The following SYT9 variants were observed in gnomAD, a reference collection of about 807,000 sequenced individuals.
SYT9 encodes synaptotagmin-9.
In SYT9, 22 loss-of-function variants were observed where a neutral mutation model predicts 48.4. The observed-to-expected ratio is 0.45, with a 90% CI of 0.32 to 0.65. The LOEUF is 0.65. SYT9 is among the 30% of genes least tolerant of loss of function. The pLI is 0.03. For missense variants in SYT9, 577 were observed against 622.0 expected, an observed-to-expected ratio of 0.93 and a Z score of 0.77; for synonymous variants, 265 against 245.0, an observed-to-expected ratio of 1.08 and a Z score of -0.76.
intron 6 of SYT9, among the ~76,000 whole-genome samples, chr11:7,424,279 TC>T (rs1847412392): frequency 6.6e-6 from 1 of 152,110 alleles, no homozygotes; most frequent in Admixed American, 6.6e-5. Context: ...CTCCCTTTAC[TC>T]CCCATGATGC....
Position 7,433,510 on chromosome 11 carries a change from G to A in SYT9, c.1467+12875G>A, listed in dbSNP as rs1372331529. On this transcript the variant is annotated intron_variant, in intron 6 of 6. Coordinates refer to ENST00000318881, the MANE Select transcript of SYT9 (RefSeq NM_175733.4). ...CACATCTGCGTGTGCTTTTTGCTGG[G>A]GCTTTATCTGCATTCTCTCTCTGCT... 3.3e-5 allele frequency among the ~76,000 whole-genome samples: 5 copies of A among 152,280 alleles called. No individual in the cohort carries two copies. In the East Asian group the frequency reaches 9.6e-4, roughly 29 times the overall value.
intron 3 of SYT9, among the ~76,000 whole-genome samples, chr11:7,369,510 T>G (rs937189062): frequency 6.6e-6 from 1 of 152,184 alleles, no homozygotes; most frequent in Non-Finnish European, 1.5e-5. Context: ...GTTTTGGCTT[T>G]TGTTACAATT....
intron 6 of SYT9, among the ~76,000 whole-genome samples, chr11:7,456,454 C>G (rs1848151542): frequency 6.6e-6 from 1 of 152,222 alleles, no homozygotes; most frequent in Admixed American, 6.5e-5. Context: ...ACACCTCCCT[C>G]CAGTGTCTTC....
intron 3 of SYT9, among the ~76,000 whole-genome samples, chr11:7,318,607 C>T (rs1275429741): frequency 6.6e-6 from 1 of 152,218 alleles, no homozygotes; most frequent in Non-Finnish European, 1.5e-5. Context: ...AGCCACCGCG[C>T]CCAGCCTTAG....
intron 3 of SYT9, among the ~76,000 whole-genome samples, chr11:7,375,743 G>A (rs753779555): frequency 1.3e-5 from 2 of 152,140 alleles, no homozygotes; most frequent in African/African-American, 2.4e-5. Flanking sequence ...ATGAATGCTT[G>A]TGATTTTTGC....
At chr11:7,397,462 C>T (rs1321464300) in intron 3 of SYT9, among the ~76,000 whole-genome samples, 1 of 152,094 alleles carries the variant, frequency 6.6e-6, no homozygotes, top group African/African-American at 2.4e-5. Flanking sequence ...AGTGTTAAGT[C>T]TTCCCATTTT....
intron 1 of SYT9, among the ~76,000 whole-genome samples, chr11:7,288,813 C>A (rs1363142313): frequency 6.6e-6 from 1 of 152,212 alleles, no homozygotes. Flanking sequence ...TCAATTTCTT[C>A]CACTCTTTCA....
intron 6 of SYT9, chr11:7,434,963 T>C (rs2062215222): frequency 6.6e-6 from 1 of 152,132 alleles, no homozygotes; most frequent in African/African-American, 2.4e-5. Context: ...AACCAATATA[T>C]CACATGAATG....
At chr11:7,293,905 G>A (rs1433073613) in intron 1 of SYT9, among the ~76,000 whole-genome samples, 2 of 152,138 alleles carry the variant, frequency 1.3e-5, no homozygotes, top group African/African-American at 2.4e-5. Context: ...TTTTATATTT[G>A]TATAAGAGAA....
At chr11:7,249,670 A>G (rs988715520), upstream of SYT9, among the ~76,000 whole-genome samples, 1 of 152,226 alleles carries the variant, frequency 6.6e-6, no homozygotes, top group African/African-American at 2.4e-5. Context: ...TTGAGCCCAT[A>G]CTATGTGGCA....
chr11:7,454,348 A>G (rs1848110590), intron 6 of SYT9: 1 of 977,098 alleles, frequency 1.0e-6, no homozygotes. Flanking sequence ...GCTGCACTCC[A>G]GGCTTCTCTA....
Position 7,252,705 on chromosome 11 carries a change from G to C in SYT9, c.145+374G>C, listed in dbSNP as rs564142655. Among the ~76,000 whole-genome samples, 30 of 152,358 alleles carry C rather than the reference G, an allele frequency of 2.0e-4. No homozygotes were observed. Among genetic ancestry groups the C allele is most frequent in the Non-Finnish European group, 4.1e-4 (28 of 68,032 alleles). On this transcript the variant is annotated intron_variant, in intron 1 of 6. Coordinates refer to ENST00000318881, the MANE Select transcript of SYT9 (RefSeq NM_175733.4). The surrounding 1 kb of genome is among the most constrained non-coding windows in gnomAD (Gnocchi z 6.3). ...CGCGGCGGCCTCGGAGCCGTGGGAA[G>C]GGGGACGAGGCCGAAGGAAACTCTG...
intron 1 of SYT9, 58 bp from the exon 2 acceptor site, chr11:7,302,981 C>T (rs1848951524): frequency 1.3e-6 from 2 of 1,495,288 alleles, no homozygotes; most frequent in South Asian, 1.2e-5. Context: ...CCACGCTGTG[C>T]AATGGGTGGG....
intron 2 of SYT9, among the ~76,000 whole-genome samples, chr11:7,306,553 CCTCT>C (rs1389536325): frequency 6.6e-6 from 1 of 152,142 alleles, no homozygotes; most frequent in Non-Finnish European, 1.5e-5. Flanking sequence ...GCTGCACTAG[CCTCT>C]CTCTTAGTTC....
chr11:7,416,029 G>A lies in SYT9; in HGVS notation c.1045-13G>A, dbSNP rs998384621. On this transcript the variant is annotated splice_polypyrimidine_tract_variant and intron_variant, in intron 3 of 6. Transcript: ENST00000318881. ...GACACTTTCTAATACTTTAGTTTGT[G>A]CTTTCTCAACAGGACAACGTGGATC... 1.2e-6 allele frequency: 2 copies of A among 1,614,074 alleles called. No individual in the cohort carries two copies. The highest frequency in any genetic ancestry group is 4.5e-5 in the East Asian group (2 of 44,890).
rs1484262854 is a variant in SYT9 at position 7,416,024 on chromosome 11, T to C, written c.1045-18T>C. On this transcript the variant is annotated intron_variant, in intron 3 of 6. Transcript: ENST00000318881. ...CTGGAGACACTTTCTAATACTTTAG[T>C]TTGTGCTTTCTCAACAGGACAACGT... is the stretch of plus-strand genomic sequence containing the variant. 1 of 1,613,910 alleles carries C rather than the reference T, an allele frequency of 6.2e-7. No individual in the cohort carries two copies. The highest frequency in any genetic ancestry group is 1.3e-5 in the African/African-American group (1 of 74,910).
intron 1 of SYT9, among the ~76,000 whole-genome samples, chr11:7,256,865 C>A (rs748457945): frequency 1.3e-5 from 2 of 152,168 alleles, no homozygotes; most frequent in African/African-American, 4.8e-5. Flanking sequence ...CCTTAAGACT[C>A]ATGATTAGTG....
intron 3 of SYT9, among the ~76,000 whole-genome samples, chr11:7,338,146 C>G (rs980042380): frequency 2.0e-5 from 3 of 152,068 alleles, no homozygotes; most frequent in Non-Finnish European, 4.4e-5. Context: ...AATGTGTGTG[C>G]GTAGAGGTGT....
chr11:7,413,164 T>G (rs1352031475), intron 3 of SYT9, among the ~76,000 whole-genome samples: 2 of 152,096 alleles, frequency 1.3e-5, no homozygotes, highest in Non-Finnish European at 2.9e-5. Context: ...GCAGCATAGG[T>G]AGGTAGTTGT....
Sources: gnomAD v4.1 joint callset for allele counts (sites outside exome capture counted in the v4.1 genomes callset) on GRCh38, gnomAD v4.1.1 for gene constraint, Gnocchi (gnomAD v3.1) non-coding constraint, MANE v1.5 for transcripts, NCBI Gene and HGNC (gene_info 2026-07-23, HGNC 2026-07-21) for gene names.